The following ADRA1B variants were observed in gnomAD, a reference collection of about 807,000 sequenced individuals.
ADRA1B encodes the protein adrenoceptor alpha 1B, also known as alpha-1B adrenergic receptor.
ADRA1B carries 17 observed loss-of-function variants against 17.9 expected under a neutral mutation model. The ratio of observed to expected loss-of-function variants is 0.95; its 90% CI spans 0.65 to 1.42. The LOEUF is 1.42. ADRA1B is among the 40% of genes most tolerant of loss of function. The pLI, the probability that ADRA1B is intolerant of heterozygous loss-of-function variation, is 0.00. For missense variants in ADRA1B, 681 were observed against 722.1 expected (o/e 0.94, Z 0.65); for synonymous variants, 366 against 327.6 (o/e 1.12, Z -1.27).
chr5:159,947,413 A>G (rs1360733574), intron 1 of ADRA1B, among the ~76,000 whole-genome samples: 1 of 152,180 alleles, frequency 6.6e-6, no homozygotes, highest in Non-Finnish European at 1.5e-5. Context: ...CTCAGGGCTC[A>G]TAAGTGGCAG....
intron 1 of ADRA1B, among the ~76,000 whole-genome samples, chr5:159,881,844 A>G (rs1246449414): frequency 1.3e-5 from 2 of 152,114 alleles, no homozygotes; most frequent in Non-Finnish European, 2.9e-5. Context: ...TAGGGACTGG[A>G]GGCTTTCAGA....
chr5:159,893,909 A>T (rs1360626570), intron 1 of ADRA1B, among the ~76,000 whole-genome samples: 1 of 152,222 alleles, frequency 6.6e-6, no homozygotes, highest in Non-Finnish European at 1.5e-5. Flanking sequence ...AAGAGGCCAG[A>T]GGGGCCTGGA....
At chr5:159,885,338 G>C (rs183114508) in intron 1 of ADRA1B, among the ~76,000 whole-genome samples, 1 of 152,178 alleles carries the variant, frequency 6.6e-6, no homozygotes, top group Admixed American at 6.5e-5. Flanking sequence ...GTAGCCTCAG[G>C]TGAAACTGAC....
In ADRA1B at chr5:159,899,112, A is replaced by T. The variant is rs541136231; in HGVS notation, c.-255-17007A>T. Among the ~76,000 whole-genome samples, 5 of 151,840 alleles carry T rather than the reference A, an allele frequency of 3.3e-5. No individual in the cohort carries two copies. The South Asian group carries it at 8.4e-4, about 25-fold the overall frequency. On this transcript the variant is annotated intron_variant, in intron 1 of 2. Coordinates refer to the ADRA1B transcript ENST00000641205. ...CAGTGAGCCTTGATCATGCCACTGC[A>T]CTCCAGCCTGGGTGACAAAGTGAGA...
chr5:159,986,380 A>G, the ADRA1B span, among the ~76,000 whole-genome samples: 3 of 152,252 alleles, frequency 2.0e-5, no homozygotes, highest in East Asian at 5.8e-4. Flanking sequence ...GGTGTAAGCC[A>G]GTATATCCAA....
upstream of ADRA1B, among the ~76,000 whole-genome samples, chr5:159,912,529 G>A (rs1292067633): frequency 2.0e-5 from 3 of 152,178 alleles, no homozygotes; most frequent in Non-Finnish European, 4.4e-5. Context: ...CCTTACTAAG[G>A]AGCCTGGTCA....
At chr5:159,922,800 A>G (rs1754525305) in intron 1 of ADRA1B, among the ~76,000 whole-genome samples, 1 of 152,254 alleles carries the variant, frequency 6.6e-6, no homozygotes, top group Admixed American at 6.5e-5. Context: ...CAGGCATTAT[A>G]CTGACGATAT....
At chr5:159,899,275 G>GAAGGAAGGAAGGAAGGAAGGAAGA (rs1754072555) in intron 1 of ADRA1B, among the ~76,000 whole-genome samples, 20 of 124,096 alleles carry the variant, frequency 1.6e-4, no homozygotes, top group African/African-American at 5.8e-4. Flanking sequence ...AGGAAGGAAG[G>GAAGGAAGGAAGGAAGGAAGGAAGA]AAGGAAGGAA....
At position 159,917,456 on chromosome 5, in the gene ADRA1B, GGA is replaced by G; in HGVS notation, c.552_553del (p.Trp184Ter). 1 of 1,614,140 alleles carries G rather than the reference GGA, an allele frequency of 6.2e-7. No homozygotes were observed. The highest frequency in any genetic ancestry group is 1.1e-5 in the South Asian group (1 of 91,074). ...ATCTCCATCGGGCCTCTCCTTGGGT[GGA>G]AGGAGCCGGCACCCAACGATGACAA... On this transcript the variant is annotated stop_gained and frameshift_variant, in exon 1 of 2. Coordinates refer to ENST00000306675, the MANE Select transcript of ADRA1B (RefSeq NM_000679.4). LOFTEE classifies it high-confidence loss of function.
chr5:159,935,297 CT>C (rs1754924253), intron 1 of ADRA1B, among the ~76,000 whole-genome samples: 1 of 152,082 alleles, frequency 6.6e-6, no homozygotes, highest in African/African-American at 2.4e-5. Context: ...ATGTTTCTTT[CT>C]TTTTAAAATT....
At chr5:159,876,895 G>A (rs1753810128) in intron 1 of ADRA1B, among the ~76,000 whole-genome samples, 1 of 152,158 alleles carries the variant, frequency 6.6e-6, no homozygotes, top group Non-Finnish European at 1.5e-5. Context: ...TCACCGTTAG[G>A]GGCCTGGCGC....
chr5:159,909,991 C>G (rs1287172499), intron 1 of ADRA1B, among the ~76,000 whole-genome samples: 1 of 152,156 alleles, frequency 6.6e-6, no homozygotes, highest in Non-Finnish European at 1.5e-5. Context: ...TTTTAAGAAC[C>G]ACAGGTAAAA....
chr5:159,917,357 T>C lies in ADRA1B; in HGVS notation c.452T>C (p.Leu151Pro), dbSNP rs1754347348. Residue 151 changes from leucine (L) to proline (P), a missense_variant, in exon 1 of 2, where the codon CTG becomes CCG. This residue lies in a region of ADRA1B where 424 missense variants were observed against 480.2 expected (regional missense o/e 0.88). Transcript: ENST00000306675. ...IDRYIGVRYSLQYPTLVTRRK... is the reference protein window; with the variant it reads ...IDRYIGVRYSPQYPTLVTRRK... The stretch of plus-strand genomic sequence containing the variant: ...CGCTACATCGGGGTGCGCTACTCTC[T>C]GCAGTATCCCACGCTGGTCACCCGG... 6.2e-7 allele frequency: 1 copy of C among 1,614,064 alleles called. No individual in the cohort carries two copies. Among genetic ancestry groups the C allele is most frequent in the Non-Finnish European group, 8.5e-7 (1 of 1,180,044 alleles).
chr5:159,984,778 G>A, the ADRA1B span, among the ~76,000 whole-genome samples: 2 of 151,318 alleles, frequency 1.3e-5, no homozygotes, highest in Non-Finnish European at 1.5e-5. Context: ...GCATGGTGGC[G>A]AGTGTCTACA....
chr5:159,883,996 A>G (rs1398262440), intron 1 of ADRA1B, among the ~76,000 whole-genome samples: 1 of 152,228 alleles, frequency 6.6e-6, no homozygotes, highest in Non-Finnish European at 1.5e-5. Flanking sequence ...TGACCAGTGG[A>G]TGAGGGGTTG....
intron 1 of ADRA1B, among the ~76,000 whole-genome samples, chr5:159,930,545 C>CTCCA (rs1442695088): frequency 3.3e-5 from 5 of 152,304 alleles, no homozygotes; most frequent in Admixed American, 6.5e-5. Context: ...CACCACTGCA[C>CTCCA]TCCAGCCTGG....
chr5:159,973,191 C>A (rs1206812744), downstream of ADRA1B, among the ~76,000 whole-genome samples: 1 of 152,234 alleles, frequency 6.6e-6, no homozygotes, highest in African/African-American at 2.4e-5. Context: ...GTGCTGGCTC[C>A]CCTAGGTCCC....
intron 1 of ADRA1B, among the ~76,000 whole-genome samples, chr5:159,953,255 C>A (rs566209514): frequency 4.6e-5 from 7 of 152,184 alleles, no homozygotes; most frequent in African/African-American, 1.7e-4. Context: ...AGCTACTCAG[C>A]AGACTGAGGC....
the ADRA1B span, among the ~76,000 whole-genome samples, chr5:159,984,709 C>T: frequency 6.6e-5 from 10 of 151,062 alleles, no homozygotes; most frequent in South Asian, 1.9e-3. Flanking sequence ...GCCAACCTGG[C>T]CAACATGGCG....
Sources: allele counts gnomAD v4.1 joint callset (sites outside exome capture counted in the v4.1 genomes callset), GRCh38; gene constraint gnomAD v4.1.1; regional missense constraint gnomAD v4.1.1; transcripts MANE v1.5; gene names NCBI Gene and HGNC (gene_info 2026-07-23, HGNC 2026-07-21).